VCP: variants seen among roughly 807,000 people sequenced by gnomAD.
VCP encodes transitional endoplasmic reticulum ATPase.
Under a neutral mutation model 85.7 loss-of-function variants are expected in VCP, and 6 were observed. The observed-to-expected ratio is 0.07, with a 90% CI of 0.04 to 0.14. The LOEUF is 0.14. VCP is among the 10% of genes least tolerant of loss of function. The pLI is 1.00. For synonymous variants in VCP, 384 were observed against 367.1 expected (o/e 1.05, Z -0.53); for missense variants, 353 against 1,043.4 (o/e 0.34, Z 9.12).
At chr9:35,072,147 C>A in intron 1 of VCP, 190 bp downstream of exon 1, 2 of 1,395,776 alleles carry the variant, frequency 1.4e-6, no homozygotes, top group Non-Finnish European at 1.8e-6. Flanking sequence ...CTAGGGGGCG[C>A]GCGGGTGCGC....
Position 35,056,307 on chromosome 9 carries a change from T to A in VCP, c.*810A>T, listed in dbSNP as rs1828603555. The A allele has an allele frequency of 6.6e-6, 1 of 152,378 alleles. No individual in the cohort carries two copies. 9.4% of individuals were successfully genotyped at this position (152,378 alleles called of 1,614,324 possible). A position where few individuals can be genotyped will look rare whatever the true frequency, so the allele number is the denominator to read the frequency against. On this transcript the variant is annotated 3_prime_UTR_variant, in exon 17 of 17. Coordinates refer to ENST00000358901, the MANE Select transcript of VCP (RefSeq NM_007126.5). ...TGCAGGCCTAGCCTTACCGTCCACA[T>A]CAAATATAGGTGGAGGGATGCCATA...
intron 5 of VCP, 38 bp from the exon 6 acceptor site, chr9:35,064,323 A>ATAT (rs751435398): frequency 6.2e-7 from 1 of 1,611,944 alleles, no homozygotes; most frequent in Non-Finnish European, 8.5e-7. Context: ...GAAGGCAAGA[A>ATAT]TATTATATCA....
chr9:35,065,865 A>C (rs1426528855), intron 4 of VCP, among the ~76,000 whole-genome samples: 1 of 152,176 alleles, frequency 6.6e-6, no homozygotes, highest in African/African-American at 2.4e-5. Flanking sequence ...GTGTGTATAC[A>C]AATATATGAA....
Position 35,061,100 on chromosome 9 carries a change from T to C in VCP, c.1274A>G (p.Lys425Arg). 2 of 1,614,164 alleles carry C rather than the reference T, an allele frequency of 1.2e-6. No homozygotes were observed. Among genetic ancestry groups the C allele is most frequent in the Non-Finnish European group, 1.7e-6 (2 of 1,180,026 alleles). ...CTCTAGGTCAATGAGATCCATCTTC[T>C]TGCGGATGGCTTGCAGAGCAGCCTC... Reference protein sequence around the residue: ...CSEAALQAIRKKMDLIDLEDE... With the variant: ...CSEAALQAIRRKMDLIDLEDE... The change falls in exon 11 of 17, where the codon AAG becomes AGG. Residue 425 changes from lysine (K) to arginine (R), a missense_variant. This residue lies in a region of VCP where 6 missense variants were observed against 34.5 expected (regional missense o/e 0.17). Transcript: ENST00000358901.
intron 3 of VCP, 135 bp from the exon 4 acceptor site, chr9:35,066,952 A>G: frequency 7.0e-7 from 1 of 1,420,590 alleles, no homozygotes; most frequent in Non-Finnish European, 9.8e-7. Flanking sequence ...GAAGAGAGGA[A>G]GGAGAACAGG....
At chr9:35,064,311 G>A (rs1828785120) in intron 5 of VCP, 26 bp from the exon 6 acceptor site, 31 of 1,613,164 alleles carry the variant, frequency 1.9e-5, no homozygotes, top group Non-Finnish European at 2.6e-5. Context: ...ATAAAGAAAG[G>A]AGAAGGCAAG....
At position 35,059,361 on chromosome 9, in the gene VCP, T is replaced by G; in HGVS notation, c.2004+132A>C. 1.3e-6 allele frequency: 2 copies of G among 1,527,746 alleles called. No individual in the cohort carries two copies. The highest frequency in any genetic ancestry group is 4.8e-5 in the East Asian group (2 of 41,700). The allele number at this position is 1,527,746 out of a possible 1,614,324, so 94.6% of individuals were successfully genotyped here. On this transcript the variant is annotated intron_variant, in intron 14 of 16. Coordinates refer to ENST00000358901, the MANE Select transcript of VCP (RefSeq NM_007126.5). The surrounding 1 kb of genome is among the most constrained non-coding windows in gnomAD (Gnocchi z 4.9). ...TATTCCTGATTCTAGATTATCTTGA[T>G]ATCCTCAAAAATTCTACCTTCCCTT...
intron 1 of VCP, chr9:35,071,870 T>A (rs1336255592): frequency 2.0e-6 from 2 of 993,532 alleles, no homozygotes; most frequent in Admixed American, 6.1e-5. Context: ...GGCCTTCACA[T>A]GGCGCAAAGT....
In VCP at chr9:35,062,054, T is replaced by C; in HGVS notation, c.1030A>G (p.Met344Val). The C allele has an allele frequency of 1.2e-6, 2 of 1,614,118 alleles. No homozygotes were observed. The highest frequency in any genetic ancestry group is 1.7e-6 in the Non-Finnish European group (2 of 1,180,018). The change falls in exon 9 of 17, where the codon ATG becomes GTG. Residue 344 changes from methionine to valine, a missense_variant. Coordinates refer to ENST00000358901, the MANE Select transcript of VCP (RefSeq NM_007126.5). ...GLKQRAHVIVMAATNRPNSID... is the reference protein window; with the variant it reads ...GLKQRAHVIVVAATNRPNSID... Reference sequence around the variant, plus strand: ...CTGTTGGGTCTGTTGGTTGCTGCCATAACAATCACATGTGCCCTCTGCTTT... The same window carrying C: ...CTGTTGGGTCTGTTGGTTGCTGCCACAACAATCACATGTGCCCTCTGCTTT...
chr9:35,061,957 G>A (rs1828734879), intron 9 of VCP, 46 bp downstream of exon 9: 2 of 1,613,952 alleles, frequency 1.2e-6, no homozygotes, highest in South Asian at 2.2e-5. Context: ...AAGGAGAGAA[G>A]TAGGACCTAA....
At position 35,060,889 on chromosome 9, in the gene VCP, C is replaced by T. The variant is rs772569728; in HGVS notation, c.1394G>A (p.Arg465Gln). The change falls in exon 12 of 17, where the codon CGG becomes CAG. Residue 465 changes from arginine (R) to glutamine (Q), a missense_variant. By Grantham distance (43) the Arg-to-Gln change is conservative (BLOSUM62 1). Around this residue, in one of 8 missense-constraint regions of VCP, gnomAD observed 18 missense variants for 71.2 expected, o/e 0.25. Transcript: ENST00000358901. ...CTGTGGCACCTCTACCACGGTTTCC[C>T]GCAGTGCTGATGGGTTACTCTGGCT... is the stretch of plus-strand genomic sequence containing the variant. ...ALSQSNPSAL[R>Q]ETVVEVPQVT... The T allele has an allele frequency of 6.2e-7, 1 of 1,614,130 alleles. No individual in the cohort carries two copies. The highest frequency in any genetic ancestry group is 1.1e-5 in the South Asian group (1 of 91,082).
Position 35,072,431 on chromosome 9 carries a change from C to T in VCP, c.-78G>A. 12 of 1,418,642 alleles carry T rather than the reference C, an allele frequency of 8.5e-6. No homozygotes were observed. The highest frequency in any genetic ancestry group is 1.0e-5 in the Non-Finnish European group (11 of 1,089,402). 87.9% of individuals were successfully genotyped at this position (1,418,642 alleles called of 1,614,324 possible). A position where few individuals can be genotyped will look rare whatever the true frequency, so the allele number is the denominator to read the frequency against. On this transcript the variant is annotated 5_prime_UTR_variant, in exon 1 of 17. Coordinates refer to ENST00000358901, the MANE Select transcript of VCP (RefSeq NM_007126.5). ...GAGCGGTGGCAAGCGACCGACTGGGCCGGGGCTCGGCTCTTCCAGGCGGTG... is the reference window on the plus strand; with the variant it reads ...GAGCGGTGGCAAGCGACCGACTGGGTCGGGGCTCGGCTCTTCCAGGCGGTG...
At chr9:35,061,466 G>A in intron 10 of VCP, 111 bp downstream of exon 10, 3 of 1,129,024 alleles carry the variant, frequency 2.7e-6, no homozygotes, top group Non-Finnish European at 4.0e-6. Context: ...CCTTTCCCCT[G>A]TCCAGAAATC....
chr9:35,061,988 A>G lies in VCP; in HGVS notation c.1081+15T>C, dbSNP rs895334607. 1.9e-6 allele frequency: 3 copies of G among 1,614,192 alleles called. No individual in the cohort carries two copies. Among genetic ancestry groups the G allele is most frequent in the Non-Finnish European group, 2.5e-6 (3 of 1,180,034 alleles). ...CCTAAGCAAGGACGGGGTCAAAAGT[A>G]TCTGGAGTCCTTACCAAATCGCCGT... On this transcript the variant is annotated intron_variant, in intron 9 of 16. Transcript: ENST00000358901.
intron 5 of VCP, 101 bp from the exon 6 acceptor site, chr9:35,064,386 CCG>C (rs1563979188): frequency 6.7e-7 from 1 of 1,503,580 alleles, no homozygotes; most frequent in Non-Finnish European, 9.1e-7. Context: ...CAAAAACCTA[CCG>C]TATAAGAAGA....
chr9:35,067,969 T>A lies in VCP; in HGVS notation c.224A>T (p.Asp75Val). ...REAVCIVLSD[D>V]TCSDEKIRMN... is the part of the protein sequence containing the mutation. Reference sequence around the variant, plus strand: ...CCGAATCTTCTCATCAGAACAAGTATCATCAGAAAGGACGATGCAAACAGC... The same window carrying A: ...CCGAATCTTCTCATCAGAACAAGTAACATCAGAAAGGACGATGCAAACAGC... Residue 75 changes from aspartate (D) to valine (V), a missense_variant, in exon 3 of 17, where the codon GAT (aspartate) becomes GTT (valine). Asp to Val is a radical substitution (Grantham distance 152, BLOSUM62 -3). Around this residue, in one of 8 missense-constraint regions of VCP, gnomAD observed 69 missense variants for 132.9 expected, o/e 0.52. Transcript: ENST00000358901. The A allele has an allele frequency of 6.2e-7, 1 of 1,614,242 alleles. No homozygotes were observed. Among genetic ancestry groups the A allele is most frequent in the Non-Finnish European group, 8.5e-7 (1 of 1,180,050 alleles).
chr9:35,071,906 C>G (rs1828955774), intron 1 of VCP: 2 of 1,002,560 alleles, frequency 2.0e-6, no homozygotes, highest in Non-Finnish European at 2.4e-6. Context: ...CCGGCTGGGG[C>G]CTCGGGCTCG....
intron 1 of VCP, chr9:35,072,055 G>A (rs1828962119): frequency 1.6e-6 from 2 of 1,259,826 alleles, no homozygotes; most frequent in Non-Finnish European, 2.0e-6. Flanking sequence ...CCGTTCTAAG[G>A]GAGCCAATCG....
intron 3 of VCP, 134 bp from the exon 4 acceptor site, chr9:35,066,951 A>C: frequency 7.0e-7 from 1 of 1,428,414 alleles, no homozygotes; most frequent in Non-Finnish European, 9.8e-7. Context: ...CGAAGAGAGG[A>C]AGGAGAACAG....
Sources: allele counts gnomAD v4.1 joint callset (sites outside exome capture counted in the v4.1 genomes callset), GRCh38; gene constraint gnomAD v4.1.1; regional missense constraint gnomAD v4.1.1; non-coding constraint Gnocchi (gnomAD v3.1); transcripts MANE v1.5; gene names NCBI Gene and HGNC (gene_info 2026-07-23, HGNC 2026-07-21).